The following RIMS3 variants were observed in gnomAD, a reference collection of about 807,000 sequenced individuals.
RIMS3 encodes the protein regulating synaptic membrane exocytosis 3, also known as regulating synaptic membrane exocytosis protein 3.
A neutral mutation model predicts 29.2 loss-of-function variants in RIMS3; 15 were observed. The ratio of observed to expected loss-of-function variants is 0.51; its 90% confidence interval spans 0.34 to 0.79. The LOEUF is 0.79. RIMS3 is among the 30% of genes least tolerant of loss of function. The pLI is 0.01. For missense variants in RIMS3, 342 were observed against 421.4 expected, an observed-to-expected ratio of 0.81 and a Z score of 1.65; for synonymous variants, 161 against 170.1, an observed-to-expected ratio of 0.95 and a Z score of 0.41.
At position 40,623,157 on chromosome 1, in the gene RIMS3, GA is replaced by G. The variant is rs1646433029; in HGVS notation, c.*3359del. 2.8e-6 allele frequency: 1 copy of G among 356,698 alleles called. No homozygotes were observed. Among genetic ancestry groups the G allele is most frequent in the South Asian group, 1.5e-4 (1 of 6,646 alleles). 22.1% of individuals were successfully genotyped at this position (356,698 alleles called of 1,614,324 possible). A position where few individuals can be genotyped will look rare whatever the true frequency, so the allele number is the denominator to read the frequency against. On this transcript the variant is annotated 3_prime_UTR_variant, in exon 8 of 8. Transcript: ENST00000372684. ...TCCTGGGTTCTGCCTCAGCCCCCATGAAATGCTGGCATTGCCTGGGACTTGC... is the reference window on the plus strand; with the variant it reads ...TCCTGGGTTCTGCCTCAGCCCCCATGAATGCTGGCATTGCCTGGGACTTGC...
At chr1:40,669,944 C>T (rs913044363), upstream of RIMS3, among the ~76,000 whole-genome samples, 4 of 152,136 alleles carry the variant, frequency 2.6e-5, no homozygotes, top group African/African-American at 9.7e-5. Context: ...ACTTAATTAT[C>T]AGAGCCATCC....
rs1228324679 is a variant in RIMS3, at chr1:40,625,968, A to C, written c.*549T>G. The C allele has an allele frequency of 5.9e-6, 1 of 170,154 alleles. No individual in the cohort carries two copies. Among genetic ancestry groups the C allele is most frequent in the Non-Finnish European group, 1.3e-5 (1 of 77,772 alleles). 10.5% of individuals were successfully genotyped at this position (170,154 alleles called of 1,614,324 possible). On this transcript the variant is annotated 3_prime_UTR_variant, in exon 8 of 8. Coordinates refer to ENST00000372684, the MANE Select transcript of RIMS3 (RefSeq NM_014747.3). ...GCGGCTCCAGTGGGGTGGGGTTCCC[A>C]GAGGGCCCTCAGTGTGGCCAGCTGC... is the stretch of plus-strand genomic sequence containing the variant.
intron 1 of RIMS3, among the ~76,000 whole-genome samples, chr1:40,662,291 C>A (rs895983692): frequency 1.3e-5 from 2 of 152,166 alleles, no homozygotes; most frequent in Non-Finnish European, 2.9e-5. Context: ...GTTCCCCTTC[C>A]TCATCCCTTC....
chr1:40,627,517 T>A (rs187399107), intron 7 of RIMS3, among the ~76,000 whole-genome samples: 1 of 152,350 alleles, frequency 6.6e-6, no homozygotes, highest in Admixed American at 6.5e-5. Context: ...CGTAAGCCAC[T>A]GTGCCCGGCC....
upstream of RIMS3, among the ~76,000 whole-genome samples, chr1:40,666,354 T>C (rs1557691722): frequency 6.6e-6 from 1 of 152,174 alleles, no homozygotes; most frequent in African/African-American, 2.4e-5. Flanking sequence ...TACTGGCGTC[T>C]CATGAGAAGA....
the RIMS3 span, among the ~76,000 whole-genome samples, chr1:40,683,044 G>T: frequency 2.0e-5 from 3 of 151,986 alleles, no homozygotes; most frequent in Non-Finnish European, 4.4e-5. Flanking sequence ...CAGATCTTTT[G>T]TCTCTTTCTC....
At chr1:40,675,320 G>A in the RIMS3 span, among the ~76,000 whole-genome samples, 1 of 151,790 alleles carries the variant, frequency 6.6e-6, no homozygotes, top group Non-Finnish European at 1.5e-5. Context: ...AGAAGGAGTT[G>A]AAGTAGAGAA....
the RIMS3 span, among the ~76,000 whole-genome samples, chr1:40,677,295 G>A: frequency 2.6e-5 from 4 of 151,698 alleles, no homozygotes; most frequent in East Asian, 2.0e-4. Context: ...GTGAGCCACC[G>A]TGCCGGCCTA....
At chr1:40,685,810 A>G in the RIMS3 span, among the ~76,000 whole-genome samples, 1 of 152,066 alleles carries the variant, frequency 6.6e-6, no homozygotes. Context: ...TAGCCAATAC[A>G]TAGATGAAGA....
intron 2 of RIMS3, 71 bp from the exon 3 acceptor site, chr1:40,642,027 C>A (rs1534955): frequency 2.1e-6 from 2 of 950,332 alleles, no homozygotes; most frequent in Non-Finnish European, 3.3e-6. Context: ...CCACCACTTC[C>A]TAGCTGCGTG....
rs2780949 is a variant in RIMS3 at position 40,654,429 on chromosome 1, T to G, written c.-206-6587A>C. On this transcript the variant is annotated intron_variant, in intron 1 of 7. Transcript: ENST00000372684. This position sits in a 1 kb window ranked among gnomAD's most constrained non-coding sequence, Gnocchi z 5.3. ...CCGCACGCAAGCCATACACCTCCGG[T>G]TGGCCACTCCGACGCGCCACAGAGC... 6.6e-6 allele frequency among the ~76,000 whole-genome samples: 1 copy of G among 152,026 alleles called. No individual in the cohort carries two copies. The highest frequency in any genetic ancestry group is 2.1e-4 in the South Asian group (1 of 4,798).
chr1:40,654,538 A>G lies in RIMS3; in HGVS notation c.-206-6696T>C, dbSNP rs1244293029. Among the ~76,000 whole-genome samples the G allele has an allele frequency of 6.6e-6, 1 of 152,022 alleles. No homozygotes were observed. The highest frequency in any genetic ancestry group is 2.4e-5 in the African/African-American group (1 of 41,394). ...CAGCAGGCAATCCACCTAGACAGGC[A>G]CTCACAGAGCACACACATGCACACA... On this transcript the variant is annotated intron_variant, in intron 1 of 7. Transcript: ENST00000372684. The surrounding 1 kb of genome is among the most constrained non-coding windows in gnomAD (Gnocchi z 5.3).
chr1:40,667,714 A>G (rs1642442815), upstream of RIMS3, among the ~76,000 whole-genome samples: 1 of 152,246 alleles, frequency 6.6e-6, no homozygotes, highest in Non-Finnish European at 1.5e-5. Context: ...ATACTAAAAC[A>G]TACTATAAAG....
chr1:40,667,934 G>A (rs918115572), upstream of RIMS3, among the ~76,000 whole-genome samples: 11 of 152,090 alleles, frequency 7.2e-5, no homozygotes, highest in African/African-American at 2.7e-4. Context: ...GGGCAACATG[G>A]CAAAACTTTG....
rs1021741573 is a variant in RIMS3 at position 40,660,880 on chromosome 1, T to C, written c.-207+4514A>G. Among the ~76,000 whole-genome samples, 10 of 152,180 alleles carry C rather than the reference T, an allele frequency of 6.6e-5. 1 individual carries two copies. In the South Asian group the frequency reaches 1.7e-3, roughly 25 times the overall value. ...CTCTGAGCTTGGCAAATCAGGACCA[T>C]GAAATGCAAAGGTTACCTTCTCTCA... On this transcript the variant is annotated intron_variant, in intron 1 of 7. Coordinates refer to ENST00000372684, the MANE Select transcript of RIMS3 (RefSeq NM_014747.3).
chr1:40,684,952 T>C, the RIMS3 span, among the ~76,000 whole-genome samples: 69 of 152,254 alleles, frequency 4.5e-4, no homozygotes, highest in African/African-American at 1.7e-3. Flanking sequence ...ATAGACTCCA[T>C]GTTTGTAACT....
In RIMS3 at chr1:40,626,589, G is replaced by T; in HGVS notation, c.855C>A (p.Ser285=). The change falls in exon 8 of 8, where the codon TCC becomes TCA. Residue 285 remains serine, a synonymous_variant. Coordinates refer to ENST00000372684, the MANE Select transcript of RIMS3 (RefSeq NM_014747.3). ...KLFPTSSVAD[S]TLGSLTRRLS... is the part of the protein sequence containing the mutation. The stretch of plus-strand genomic sequence containing the variant: ...GGCGCCTGGTGAGGGATCCGAGTGT[G>T]GAGTCTGCCACTGAGGAGGTGGGGA... 6.2e-7 allele frequency: 1 copy of T among 1,614,152 alleles called. No individual in the cohort carries two copies.
At position 40,629,361 on chromosome 1, in the gene RIMS3, T is replaced by C. The variant is rs143957603; in HGVS notation, c.484A>G (p.Ile162Val). 2.3e-4 allele frequency: 377 copies of C among 1,613,848 alleles called. 1 individual carries two copies. The highest frequency in any genetic ancestry group is 2.8e-4 in the Non-Finnish European group (336 of 1,179,830). The change falls in exon 6 of 8, where the codon ATT becomes GTT. Residue 162 changes from isoleucine to valine, a missense_variant. By Grantham distance (29) the Ile-to-Val change is conservative. Transcript: ENST00000372684. The part of the protein sequence containing the change: ...LATPPMGDVH[I>V]AIMDRSGQLE... ...TGGCCACTCCGGTCCATGATGGCAA[T>C]GTGCACATCTCCTGAAAGGAAGAAG...
chr1:40,686,236 A>G, the RIMS3 span, among the ~76,000 whole-genome samples: 1 of 152,224 alleles, frequency 6.6e-6, no homozygotes, highest in Non-Finnish European at 1.5e-5. Flanking sequence ...CCCACAGCTT[A>G]CAATGTGCCA....
Sources: allele counts gnomAD v4.1 joint callset (sites outside exome capture counted in the v4.1 genomes callset), GRCh38; gene constraint gnomAD v4.1.1; non-coding constraint Gnocchi (gnomAD v3.1); transcripts MANE v1.5; gene names NCBI Gene and HGNC (gene_info 2026-07-23, HGNC 2026-07-21).